Variants in MTDH observed in about 807,000 individuals in gnomAD.
MTDH encodes protein LYRIC.
Under a neutral mutation model 72.7 loss-of-function variants are expected in MTDH, and 34 were observed. The observed-to-expected ratio is 0.47, with a 90% CI of 0.36 to 0.62. MTDH has a LOEUF of 0.62. Among genes scored for constraint, MTDH ranks in the 20% least tolerant of loss-of-function variants. The probability of loss-of-function intolerance (pLI) is 0.00; values close to 1 mark genes in which losing one functional copy is unlikely to be tolerated. For missense variants in MTDH, 677 were observed against 699.4 expected, an observed-to-expected ratio of 0.97 and a Z score of 0.36; for synonymous variants, 266 against 268.9, an observed-to-expected ratio of 0.99 and a Z score of 0.10.
chr8:97,649,942 T>A (rs1811704422), intron 1 of MTDH, among the ~76,000 whole-genome samples: 2 of 150,162 alleles, frequency 1.3e-5, no homozygotes, highest in Non-Finnish European at 3.0e-5. Context: ...TTTCTATCTC[T>A]CTACCAATTT....
intron 10 of MTDH, among the ~76,000 whole-genome samples, chr8:97,720,723 G>A (rs559378025): frequency 6.9e-6 from 1 of 145,818 alleles, no homozygotes; most frequent in East Asian, 2.0e-4. Flanking sequence ...CCGCAATCTC[G>A]GCTCGCTGCA....
At chr8:97,709,795 G>A (rs930738864) in intron 8 of MTDH, among the ~76,000 whole-genome samples, 6 of 152,046 alleles carry the variant, frequency 3.9e-5, no homozygotes, top group African/African-American at 9.7e-5. Context: ...ATTGGGAAGC[G>A]GTATAAAGGA....
intron 9 of MTDH, among the ~76,000 whole-genome samples, chr8:97,717,486 A>C (rs1241274394): frequency 1.3e-5 from 2 of 152,196 alleles, no homozygotes; most frequent in African/African-American, 4.8e-5. Context: ...CTCCTGACTA[A>C]TCAGAGTGGC....
At chr8:97,687,928 T>C (rs2131002426) in intron 4 of MTDH, among the ~76,000 whole-genome samples, 1 of 152,332 alleles carries the variant, frequency 6.6e-6, no homozygotes, top group East Asian at 1.9e-4. Flanking sequence ...TTAGAGTGGA[T>C]AAGACATTTA....
At chr8:97,721,372 G>A (rs1815116765) in intron 10 of MTDH, among the ~76,000 whole-genome samples, 1 of 152,106 alleles carries the variant, frequency 6.6e-6, no homozygotes, top group Non-Finnish European at 1.5e-5. Context: ...GAGCCCAGGA[G>A]GCAGAGGTTG....
intron 6 of MTDH, among the ~76,000 whole-genome samples, chr8:97,697,142 A>ATTTTTTTTTT (rs1563554116): frequency 1.3e-5 from 1 of 76,934 alleles, no homozygotes; most frequent in Admixed American, 1.2e-4. Context: ...ATATATATAT[A>ATTTTTTTTTT]TATATATATT....
intron 7 of MTDH, among the ~76,000 whole-genome samples, chr8:97,705,611 TAAAG>T (rs375484880): frequency 5.0e-4 from 76 of 151,858 alleles, no homozygotes; most frequent in African/African-American, 1.7e-3. Context: ...GGGAAAAAAA[TAAAG>T]AAAGAATTGA....
rs1586190542 is a variant in MTDH at position 97,644,253 on chromosome 8, C to T, written c.-254C>T. The T allele has an allele frequency of 2.0e-6, 1 of 502,052 alleles. No homozygotes were observed. Among genetic ancestry groups the T allele is most frequent in the Non-Finnish European group, 3.4e-6 (1 of 290,610 alleles). 31.1% of individuals were successfully genotyped at this position (502,052 alleles called of 1,614,324 possible). On this transcript the variant is annotated 5_prime_UTR_variant, in exon 1 of 12. Coordinates refer to ENST00000336273, the MANE Select transcript of MTDH (RefSeq NM_178812.4). Reference sequence around the variant, plus strand: ...TGGCGCCGAGACGCCGCTTAGCGGCCGCCACTGGAGACACTCCCTCCCGCC... The same window carrying T: ...TGGCGCCGAGACGCCGCTTAGCGGCTGCCACTGGAGACACTCCCTCCCGCC...
At chr8:97,650,090 G>C (rs1032258709) in intron 1 of MTDH, among the ~76,000 whole-genome samples, 3 of 152,076 alleles carry the variant, frequency 2.0e-5, no homozygotes, top group African/African-American at 7.2e-5. Context: ...CTGAGTAGCT[G>C]GGACTACAGG....
intron 1 of MTDH, among the ~76,000 whole-genome samples, chr8:97,647,659 G>T (rs1811617262): frequency 6.6e-6 from 1 of 152,168 alleles, no homozygotes; most frequent in Non-Finnish European, 1.5e-5. Flanking sequence ...CTTGAGTAAG[G>T]CATTTCACCT....
At chr8:97,694,902 A>T (rs1401832323) in intron 6 of MTDH, among the ~76,000 whole-genome samples, 1 of 152,056 alleles carries the variant, frequency 6.6e-6, no homozygotes, top group Non-Finnish European at 1.5e-5. Flanking sequence ...CAGCCTTGGC[A>T]ACAGAGCGAG....
intron 4 of MTDH, among the ~76,000 whole-genome samples, chr8:97,688,374 T>C (rs957962865): frequency 1.3e-5 from 2 of 152,224 alleles, no homozygotes; most frequent in African/African-American, 4.8e-5. Flanking sequence ...CTTGGTGGAA[T>C]TTATTGCCAT....
At chr8:97,668,286 CA>C (rs1377910057) in intron 2 of MTDH, among the ~76,000 whole-genome samples, 2 of 148,358 alleles carry the variant, frequency 1.3e-5, no homozygotes, top group African/African-American at 2.5e-5. Context: ...GACTGCATCT[CA>C]AAAAAAAAGA....
chr8:97,714,919 A>AG (rs1457218868), intron 9 of MTDH, among the ~76,000 whole-genome samples: 4 of 151,874 alleles, frequency 2.6e-5, no homozygotes, highest in Admixed American at 2.0e-4. Context: ...TCTGCCTCCC[A>AG]GGTTCAAGCG....
chr8:97,682,243 TATATATATATATATATATATATA>T (rs1563542216), intron 2 of MTDH, among the ~76,000 whole-genome samples: 1 of 4,236 alleles, frequency 2.4e-4, no homozygotes, highest in Non-Finnish European at 6.0e-4. Flanking sequence ...TATATATATA[TATATATATATATATATATATATA>T]TATATATATA....
intron 2 of MTDH, among the ~76,000 whole-genome samples, chr8:97,679,604 AT>A (rs1175672236): frequency 2.0e-5 from 3 of 152,212 alleles, no homozygotes; most frequent in African/African-American, 7.2e-5. Flanking sequence ...AAATGAATGC[AT>A]TTAGAAGATA....
intron 2 of MTDH, among the ~76,000 whole-genome samples, chr8:97,664,258 AG>A (rs1812292172): frequency 2.0e-5 from 3 of 152,024 alleles, no homozygotes; most frequent in Admixed American, 2.0e-4. Flanking sequence ...CGGGAGACTG[AG>A]GCAGGAGAAT....
chr8:97,719,898 A>G (rs1459094373), intron 10 of MTDH, among the ~76,000 whole-genome samples: 2 of 152,216 alleles, frequency 1.3e-5, no homozygotes, highest in Non-Finnish European at 2.9e-5. Context: ...TGTGCCTTCT[A>G]TGGAAAGTAT....
intron 2 of MTDH, among the ~76,000 whole-genome samples, chr8:97,664,623 C>G (rs767583428): frequency 6.6e-6 from 1 of 152,112 alleles, no homozygotes; most frequent in Non-Finnish European, 1.5e-5. Flanking sequence ...CTAGGTGACT[C>G]AGTTAATTTT....
Sources: gnomAD v4.1 joint callset for allele counts (sites outside exome capture counted in the v4.1 genomes callset) on GRCh38, gnomAD v4.1.1 for gene constraint, MANE v1.5 for transcripts, NCBI Gene and HGNC (gene_info 2026-07-23, HGNC 2026-07-21) for gene names.